RPE65: variants seen among roughly 807,000 people sequenced by gnomAD.
RPE65 encodes the protein retinoid isomerohydrolase RPE65.
A neutral mutation model predicts 68.5 loss-of-function variants in RPE65; 58 were observed. The observed-to-expected ratio is 0.85, with a 90% CI of 0.69 to 1.05. The LOEUF is 1.05. RPE65 is among the 50% of genes least tolerant of loss of function. The probability of loss-of-function intolerance (pLI) is 0.00; values close to 1 mark genes in which losing one functional copy is unlikely to be tolerated. For missense variants in RPE65, 643 were observed against 629.9 expected (o/e 1.02, Z -0.22); for synonymous variants, 220 against 222.2 (o/e 0.99, Z 0.09).
At chr1:68,445,014 G>C in intron 3 of RPE65, 131 bp from the exon 4 acceptor site, 1 of 793,708 alleles carries the variant, frequency 1.3e-6, no homozygotes, top group South Asian at 1.4e-5. Context: ...AAGAATAAAG[G>C]GTTTTATTAG....
At chr1:68,448,513 C>T in intron 2 of RPE65, 111 bp downstream of exon 2, 1 of 973,160 alleles carries the variant, frequency 1.0e-6, no homozygotes, top group Non-Finnish European at 1.6e-6. Flanking sequence ...CACCTGATCC[C>T]TCTCCCTGTG....
Position 68,433,766 on chromosome 1 carries a change from G to C in RPE65, c.1129-2181C>G, listed in dbSNP as rs74081908. ...CAGCCTCAGAGGTATAAGCATGGAG[G>C]GGGTGGAGAGCTGAATTTAACTAGG... is the stretch of plus-strand genomic sequence containing the variant. On this transcript the variant is annotated intron_variant, in intron 10 of 13. Coordinates refer to ENST00000262340, the MANE Select transcript of RPE65 (RefSeq NM_000329.3). Among the ~76,000 whole-genome samples the C allele has an allele frequency of 8.1e-3, 1,238 of 152,176 alleles. 11 individuals carry two copies. The highest frequency in any genetic ancestry group is 0.028 in the African/African-American group (1,156 of 41,516).
At chr1:68,430,512 C>T (rs1645818481) in intron 13 of RPE65, among the ~76,000 whole-genome samples, 1 of 152,150 alleles carries the variant, frequency 6.6e-6, no homozygotes, top group South Asian at 2.1e-4. Flanking sequence ...ATATTTTAAT[C>T]CCATAGAGTG....
In RPE65 at chr1:68,444,835, G is replaced by A. The variant is rs367983478; in HGVS notation, c.294C>T (p.Ile98=). The change falls in exon 4 of 14, where the codon ATC becomes ATT. Residue 98 remains isoleucine, a synonymous_variant. Transcript: ENST00000262340. The part of the protein sequence containing the change: ...AYVRAMTEKR[I]VITEFGTCAF... ...CACAGGTGCCAAATTCTGTTATGAC[G>A]ATCCTTTTCTCAGTCATTGCCCGTA... 30 of 1,614,014 alleles carry A rather than the reference G, an allele frequency of 1.9e-5. No individual in the cohort carries two copies. The highest frequency in any genetic ancestry group is 2.7e-5 in the African/African-American group (2 of 74,990).
At chr1:68,433,981 T>C (rs919453780) in intron 10 of RPE65, among the ~76,000 whole-genome samples, 4 of 151,566 alleles carry the variant, frequency 2.6e-5, no homozygotes, top group Non-Finnish European at 4.4e-5. Flanking sequence ...CTGGTGGAAA[T>C]TGCAGTAGGG....
In RPE65 at chr1:68,439,031, T is replaced by G. The variant is rs756160706; in HGVS notation, c.909A>C (p.Lys303Asn). ...DKKRKKYLNN[K>N]YRTSPFNLFH... is the part of the protein sequence containing the mutation. ...AGAGGTTGAAAGGAGAAGTTCTGTA[T>G]TTATTATTGAGGTACTTTTTCCTTT... Residue 303 changes from lysine (K) to asparagine (N), a missense_variant, in exon 9 of 14, where the codon AAA (lysine) becomes AAC (asparagine). Transcript: ENST00000262340. 6 of 1,614,014 alleles carry G rather than the reference T, an allele frequency of 3.7e-6. No homozygotes were observed. Among genetic ancestry groups the G allele is most frequent in the Non-Finnish European group, 5.1e-6 (6 of 1,179,976 alleles).
chr1:68,444,492 A>G, intron 5 of RPE65, 39 bp downstream of exon 5: 1 of 1,612,972 alleles, frequency 6.2e-7, no homozygotes, highest in Non-Finnish European at 8.5e-7. Flanking sequence ...TAAGTTCCAA[A>G]TTCTAAATTC....
At chr1:68,444,484 AG>A (rs1316100258) in intron 5 of RPE65, 46 bp downstream of exon 5, 3 of 1,609,464 alleles carry the variant, frequency 1.9e-6, no homozygotes, top group Admixed American at 3.3e-5. Flanking sequence ...ATTAATTTTA[AG>A]TTCCAAATTC....
chr1:68,446,330 T>TGCTA (rs10685616), intron 3 of RPE65, among the ~76,000 whole-genome samples: 21,291 of 152,042 alleles, frequency 0.14, 1,757 homozygotes, highest in African/African-American at 0.21. Flanking sequence ...GCTTTGTGTG[T>TGCTA]GCTAGACACT....
intron 13 of RPE65, among the ~76,000 whole-genome samples, 188 bp downstream of exon 13, chr1:68,430,877 T>A (rs967956524): frequency 2.0e-5 from 3 of 152,176 alleles, no homozygotes; most frequent in Admixed American, 6.5e-5. Context: ...CTACTGGTAA[T>A]CAACAAGACC....
At position 68,439,071 on chromosome 1, in the gene RPE65, T is replaced by C; in HGVS notation, c.869A>G (p.His290Arg). 6 of 1,614,050 alleles carry C rather than the reference T, an allele frequency of 3.7e-6. No individual in the cohort carries two copies. The highest frequency in any genetic ancestry group is 5.1e-6 in the Non-Finnish European group (6 of 1,180,006). The part of the protein sequence containing the change: ...ESNETMGVWL[H>R]IADKKRKKYL... ...CTTTTTCCTTTTTTTGTCAGCAATA[T>C]GAAGCCAAACCTTGAAAAATGAGGA... Residue 290 changes from histidine to arginine, a missense_variant, in exon 9 of 14, where the codon CAT becomes CGT. Coordinates refer to ENST00000262340, the MANE Select transcript of RPE65 (RefSeq NM_000329.3).
chr1:68,440,626 G>T (rs1170751302), intron 6 of RPE65, among the ~76,000 whole-genome samples: 1 of 152,110 alleles, frequency 6.6e-6, no homozygotes, highest in African/African-American at 2.4e-5. Flanking sequence ...TTCTAGAAGA[G>T]AACTTGGACA....
intron 5 of RPE65, among the ~76,000 whole-genome samples, chr1:68,442,875 C>T (rs923879426): frequency 6.6e-6 from 1 of 152,126 alleles, no homozygotes; most frequent in African/African-American, 2.4e-5. Flanking sequence ...TATGTTAAGA[C>T]ATAGTAAATA....
chr1:68,441,325 A>G (rs1571167750), intron 5 of RPE65, among the ~76,000 whole-genome samples: 1 of 152,076 alleles, frequency 6.6e-6, no homozygotes, highest in East Asian at 1.9e-4. Context: ...ACTTCTTTAT[A>G]CTCTTATTAT....
At chr1:68,446,387 T>C (rs1045633486) in intron 3 of RPE65, among the ~76,000 whole-genome samples, 1 of 152,218 alleles carries the variant, frequency 6.6e-6, no homozygotes, top group Non-Finnish European at 1.5e-5. Context: ...TAGATTCTAT[T>C]ATTTCTCCCA....
intron 5 of RPE65, among the ~76,000 whole-genome samples, chr1:68,443,637 CT>C (rs1645918836): frequency 1.3e-5 from 2 of 152,336 alleles, no homozygotes; most frequent in South Asian, 4.1e-4. Context: ...TTGCCAACTA[CT>C]TCCAGAAGTA....
intron 13 of RPE65, among the ~76,000 whole-genome samples, chr1:68,430,449 C>T (rs1034680996): frequency 3.3e-5 from 5 of 152,180 alleles, no homozygotes; most frequent in African/African-American, 1.2e-4. Flanking sequence ...TATATAAAAT[C>T]ATTTAGTGTG....
rs1268464222 is a variant in RPE65 at position 68,446,694 on chromosome 1, T to C, written c.245+16A>G. 1.9e-6 allele frequency: 3 copies of C among 1,614,112 alleles called. No individual in the cohort carries two copies. The East Asian group carries it at 6.7e-5, about 36-fold the overall frequency. On this transcript the variant is annotated intron_variant, in intron 3 of 13. Transcript: ENST00000262340. ...CCTACTTTGAGGAGGAGGAGTGGCA[T>C]GGAGTGCTGCTTTACCTTCTGTGGT...
intron 3 of RPE65, among the ~76,000 whole-genome samples, chr1:68,446,129 G>T (rs1645941340): frequency 6.6e-6 from 1 of 151,952 alleles, no homozygotes; most frequent in Non-Finnish European, 1.5e-5. Flanking sequence ...AGGCTTTTTA[G>T]CAATAATCTC....
Sources: gnomAD v4.1 joint callset for allele counts (sites outside exome capture counted in the v4.1 genomes callset) on GRCh38, gnomAD v4.1.1 for gene constraint, MANE v1.5 for transcripts, NCBI Gene and HGNC (gene_info 2026-07-23, HGNC 2026-07-21) for gene names.